TRIOBP: variants seen among roughly 807,000 people sequenced by gnomAD.
TRIOBP encodes the protein TRIO and F-actin binding protein.
In TRIOBP, 169 loss-of-function variants were observed where a neutral mutation model predicts 238.8. The observed-to-expected ratio is 0.71, with a 90% CI of 0.62 to 0.80. TRIOBP has a LOEUF of 0.80. Ranked by LOEUF, TRIOBP falls within the 30% of genes least tolerant of loss-of-function variation. The pLI, the probability that TRIOBP is intolerant of heterozygous loss-of-function variation, is 0.00. For synonymous variants in TRIOBP, 1,150 were observed against 1,274.4 expected, an observed-to-expected ratio of 0.90 and a Z score of 2.08; for missense variants, 2,838 against 3,122.6, an observed-to-expected ratio of 0.91 and a Z score of 2.17.
intron 21 of TRIOBP, 33 bp from the exon 22 acceptor site, chr22:37,771,617 G>T (rs1334143327): frequency 6.2e-7 from 1 of 1,603,944 alleles, no homozygotes; most frequent in Non-Finnish European, 8.5e-7. Flanking sequence ...TCTGGCTTCT[G>T]GCCCTGGGTC....
chr22:37,733,944 G>A (rs1311962987), intron 8 of TRIOBP, among the ~76,000 whole-genome samples: 3 of 152,232 alleles, frequency 2.0e-5, no homozygotes, highest in African/African-American at 7.2e-5. Context: ...TGGGATTACA[G>A]GCGTGAACCA....
At position 37,725,813 on chromosome 22, in the gene TRIOBP, CCTTCCT is replaced by C. The variant is rs774222263; in HGVS notation, c.3259_3264del (p.Phe1087_Leu1088del). 1 of 1,611,574 alleles carries C rather than the reference CCTTCCT, an allele frequency of 6.2e-7. No individual in the cohort carries two copies. The highest frequency in any genetic ancestry group is 8.5e-7 in the Non-Finnish European group (1 of 1,179,116). ...CGCCACACCCAATTTGACCCCTTCC[CCTTCCT>C]CCCAGACACATCAGATGCCGAGCAT... is the stretch of plus-strand genomic sequence containing the variant. On this transcript the variant is annotated inframe_deletion, in exon 7 of 24. Transcript: ENST00000644935.
intron 11 of TRIOBP, among the ~76,000 whole-genome samples, chr22:37,745,500 C>T (rs1459768287): frequency 6.6e-6 from 1 of 152,152 alleles, no homozygotes; most frequent in Non-Finnish European, 1.5e-5. Flanking sequence ...AACAAACGGC[C>T]CAGCGTTCTG....
chr22:37,715,704 A>G (rs1344348299), intron 5 of TRIOBP, 59 bp from the exon 6 acceptor site: 16 of 1,572,366 alleles, frequency 1.0e-5, no homozygotes, highest in Admixed American at 3.6e-5. Flanking sequence ...TTTGGAGAGT[A>G]TATGTCCTGC....
At chr22:37,751,932 GGGGGTGGGGCTGGGA>G in intron 12 of TRIOBP, 104 bp downstream of exon 12, 1 of 1,073,592 alleles carries the variant, frequency 9.3e-7, no homozygotes, top group East Asian at 2.6e-5. Context: ...TGAGAACCCT[GGGGGTGGGGCTGGGA>G]GGGGTGGAGG....
rs1454550235 is a variant in TRIOBP at position 37,769,321 on chromosome 22, G to A, written c.6795G>A (p.Gln2265=). The A allele has an allele frequency of 1.2e-6, 2 of 1,611,726 alleles. No individual in the cohort carries two copies. Among genetic ancestry groups the A allele is most frequent in the African/African-American group, 1.3e-5 (1 of 74,924 alleles). ...AGCTGCGCGGCTTCATTGCCTCGCA[G>A]GGCATGGGCAATGGCTGCGGGCGCA... is the stretch of plus-strand genomic sequence containing the variant. ...IDQLRGFIAS[Q]GMGNGCGRSN... is the part of the protein sequence containing the mutation. Residue 2265 remains glutamine, a synonymous_variant, in exon 21 of 24, where the codon CAG becomes CAA. Coordinates refer to ENST00000644935, the MANE Select transcript of TRIOBP (RefSeq NM_001039141.3).
intron 6 of TRIOBP, among the ~76,000 whole-genome samples, chr22:37,717,729 A>G (rs1164008304): frequency 6.6e-6 from 1 of 152,234 alleles, no homozygotes; most frequent in African/African-American, 2.4e-5. Context: ...TTAGCTAGAC[A>G]TAAAGGTTCT....
chr22:37,726,198 C>T lies in TRIOBP; in HGVS notation c.3642C>T (p.Pro1214=). 6.4e-7 allele frequency: 1 copy of T among 1,561,562 alleles called. No individual in the cohort carries two copies. The highest frequency in any genetic ancestry group is 8.7e-7 in the Non-Finnish European group (1 of 1,154,934). The change falls in exon 7 of 24, where the codon CCC becomes CCT. Residue 1214 remains proline, a synonymous_variant. Coordinates refer to ENST00000644935, the MANE Select transcript of TRIOBP (RefSeq NM_001039141.3). ...TGCATGGCTCCCCAGTGCTGATCCC[C>T]CAAGTGTGCATCGGGCACCGGGATG... ...DSLHGSPVLI[P]QVCIGHRDAP... is the part of the protein sequence containing the mutation.
rs557649304 is a variant in TRIOBP at position 37,700,936 on chromosome 22, C to T, written c.-60-370C>T. On this transcript the variant is annotated intron_variant, in intron 2 of 23. Transcript: ENST00000644935. The stretch of plus-strand genomic sequence containing the variant: ...CGAACTCCTGACCTCAAGTGATCGG[C>T]CCACCTCGGCCTCCCAAAGTGCTGG... Among the ~76,000 whole-genome samples, 212 of 152,280 alleles carry T rather than the reference C, an allele frequency of 1.4e-3. 1 individual carries two copies. The highest frequency in any genetic ancestry group is 5.1e-3 in the African/African-American group (211 of 41,554).
intron 7 of TRIOBP, 183 bp downstream of exon 7, chr22:37,726,686 T>C (rs769838806): frequency 3.1e-6 from 2 of 642,220 alleles, no homozygotes; most frequent in Non-Finnish European, 5.0e-6. Flanking sequence ...TTCTGTTTTG[T>C]GTGTGTGTGT....
Position 37,761,293 on chromosome 22 carries a change from A to AG in TRIOBP, c.6324+2029_6324+2030insG, listed in dbSNP as rs913462073. ...GAAACCCTGTCTCTACTAAAAAAAA[A>AG]AAATACAAAACTTAGCAGGGCATGG... On this transcript the variant is annotated intron_variant, in intron 17 of 23. Transcript: ENST00000644935. Among the ~76,000 whole-genome samples the AG allele has an allele frequency of 5.9e-5, 9 of 152,040 alleles. 1 individual carries two copies. Among genetic ancestry groups the AG allele is most frequent in the East Asian group, 5.8e-4 (3 of 5,176 alleles).
intron 17 of TRIOBP, chr22:37,759,636 C>T: frequency 6.5e-7 from 1 of 1,535,522 alleles, no homozygotes; most frequent in Non-Finnish European, 8.7e-7. Flanking sequence ...AGAGTCACTC[C>T]CTGAACACAG....
rs1032340922 is a variant in TRIOBP, at chr22:37,716,041, G to T, written c.628+107G>T. ...TGGGCACGGCTTACTTTGGTGGCCT[G>T]AGTGTTAATAATAGTAACAGTTTGC... On this transcript the variant is annotated intron_variant, in intron 6 of 23. Coordinates refer to ENST00000644935, the MANE Select transcript of TRIOBP (RefSeq NM_001039141.3). 10 of 1,218,346 alleles carry T rather than the reference G, an allele frequency of 8.2e-6. No homozygotes were observed. The South Asian group carries it at 1.3e-4, about 16-fold the overall frequency. 75.5% of individuals were successfully genotyped at this position (1,218,346 alleles called of 1,614,324 possible).
At chr22:37,727,465 G>A (rs552448664) in intron 7 of TRIOBP, among the ~76,000 whole-genome samples, 6 of 151,922 alleles carry the variant, frequency 3.9e-5, no homozygotes, top group South Asian at 2.1e-4. Flanking sequence ...TCAGGAGATC[G>A]ACAGCAGCCT....
At chr22:37,721,701 G>A (rs1246472605) in intron 6 of TRIOBP, among the ~76,000 whole-genome samples, 8 of 152,044 alleles carry the variant, frequency 5.3e-5, no homozygotes. Flanking sequence ...GGCTGGTCTG[G>A]AACTCCTGAG....
intron 3 of TRIOBP, among the ~76,000 whole-genome samples, chr22:37,705,495 T>C (rs1233885851): frequency 6.6e-6 from 1 of 151,056 alleles, no homozygotes; most frequent in African/African-American, 2.4e-5. Flanking sequence ...GGATGGAGAA[T>C]GGGGGGAGGC....
intron 2 of TRIOBP, among the ~76,000 whole-genome samples, chr22:37,698,687 A>G (rs1296887913): frequency 1.3e-5 from 2 of 152,112 alleles, no homozygotes; most frequent in Non-Finnish European, 1.5e-5. Context: ...AAAGAAAAAA[A>G]TTAGCTGGGC....
Position 37,723,888 on chromosome 22 carries a change from T to C in TRIOBP, c.1332T>C (p.Ser444=), listed in dbSNP as rs1923967923. 6.4e-7 allele frequency: 1 copy of C among 1,554,034 alleles called. No homozygotes were observed. Among genetic ancestry groups the C allele is most frequent in the Non-Finnish European group, 8.7e-7 (1 of 1,152,728 alleles). ...QRDNPRASSP[S]RATRDNPTTS... is the part of the protein sequence containing the mutation. The stretch of plus-strand genomic sequence containing the variant: ...ACAATCCCAGAGCCTCCTCTCCCAG[T>C]AGAGCTACACGAGACAACCCCACAA... Residue 444 remains serine (S), a synonymous_variant, in exon 7 of 24, where the codon AGT becomes AGC. Coordinates refer to ENST00000644935, the MANE Select transcript of TRIOBP (RefSeq NM_001039141.3).
At chr22:37,733,262 A>G in intron 7 of TRIOBP, 36 bp from the exon 8 acceptor site, 2 of 1,478,496 alleles carry the variant, frequency 1.4e-6, no homozygotes, top group Non-Finnish European at 1.9e-6. Flanking sequence ...TGGGAGTGGG[A>G]CAGTCCCTCA....
Sources: gnomAD v4.1 joint callset for allele counts (sites outside exome capture counted in the v4.1 genomes callset) on GRCh38, gnomAD v4.1.1 for gene constraint, MANE v1.5 for transcripts, NCBI Gene and HGNC (gene_info 2026-07-23, HGNC 2026-07-21) for gene names.